The following PRKN variants were observed in gnomAD, a reference collection of about 807,000 sequenced individuals.
PRKN encodes E3 ubiquitin-protein ligase parkin.
In PRKN, 56 loss-of-function variants were observed where a neutral mutation model predicts 59.5. That is an observed-to-expected ratio of 0.94 (90% confidence interval 0.76 to 1.18). The LOEUF (loss-of-function observed/expected upper bound fraction) is 1.18, where lower values mean the gene tolerates loss of function less well. Among genes scored for constraint, PRKN ranks in the 50% most tolerant of loss-of-function variants. The probability of loss-of-function intolerance (pLI) is 0.00; values close to 1 mark genes in which losing one functional copy is unlikely to be tolerated. For missense variants in PRKN, 657 were observed against 596.4 expected, an observed-to-expected ratio of 1.10 and a Z score of -1.06; for synonymous variants, 250 against 222.1, an observed-to-expected ratio of 1.13 and a Z score of -1.12.
chr6:162,443,929 G>A lies in PRKN; in HGVS notation c.8-456C>T, dbSNP rs984224187. On this transcript the variant is annotated intron_variant, in intron 1 of 11. Transcript: ENST00000366898. Reference sequence around the variant, plus strand: ...GGAAAAAAATCTAAGCTGCTCTATAGACCAGAGTGAAGACCCACTCGGGGC... The same window carrying A: ...GGAAAAAAATCTAAGCTGCTCTATAAACCAGAGTGAAGACCCACTCGGGGC... Among the ~76,000 whole-genome samples the A allele has an allele frequency of 4.6e-5, 7 of 152,140 alleles. No individual in the cohort carries two copies. In the South Asian group the frequency reaches 1.4e-3, roughly 32 times the overall value.
chr6:162,650,717 T>G (rs2128226476), intron 1 of PRKN, among the ~76,000 whole-genome samples: 1 of 152,230 alleles, frequency 6.6e-6, no homozygotes, highest in African/African-American at 2.4e-5. Context: ...AAAGCTTCCC[T>G]TTGTCTCCTA....
At position 162,061,531 on chromosome 6, in the gene PRKN, T is replaced by G. The variant is rs147845089; in HGVS notation, c.535-7357A>C. Among the ~76,000 whole-genome samples the G allele has an allele frequency of 1.1e-3, 163 of 152,302 alleles. 2 individuals are homozygous for G. In the Middle Eastern group the frequency reaches 0.027, roughly 25 times the overall value. On this transcript the variant is annotated intron_variant, in intron 4 of 11. Transcript: ENST00000366898. ...CAGGATCATGTCACTTTCTACAGCA[T>G]GCTGTTTATAACTCTTCTAAAGCAT... is the stretch of plus-strand genomic sequence containing the variant.
At chr6:161,782,275 A>G (rs1790237676) in intron 7 of PRKN, among the ~76,000 whole-genome samples, 1 of 152,202 alleles carries the variant, frequency 6.6e-6, no homozygotes, top group Non-Finnish European at 1.5e-5. Context: ...TCTTTAAAAT[A>G]TAATAGGTAC....
chr6:162,444,936 T>C (rs1790238009), intron 1 of PRKN, among the ~76,000 whole-genome samples: 1 of 152,168 alleles, frequency 6.6e-6, no homozygotes, highest in Admixed American at 6.5e-5. Flanking sequence ...AAAACTATCG[T>C]CTTGTAACAT....
At chr6:161,867,770 T>TTTATTTATTTATTTAC (rs1268807353) in intron 6 of PRKN, among the ~76,000 whole-genome samples, 4 of 151,274 alleles carry the variant, frequency 2.6e-5, no homozygotes, top group Non-Finnish European at 5.9e-5. Flanking sequence ...TATTTATTTA[T>TTTATTTATTTATTTAC]TTATTTTTGA....
At chr6:162,476,445 A>G (rs961292069) in intron 1 of PRKN, among the ~76,000 whole-genome samples, 3 of 152,196 alleles carry the variant, frequency 2.0e-5, no homozygotes, top group African/African-American at 7.2e-5. Context: ...TTAAAGTGGT[A>G]AACAGTCATG....
chr6:161,781,923 T>C (rs146347467), intron 7 of PRKN, among the ~76,000 whole-genome samples: 1,698 of 152,284 alleles, frequency 0.011, 20 homozygotes, highest in Middle Eastern at 0.051. Context: ...GGCTCCCCTG[T>C]TGGGGAGGAA....
chr6:162,376,692 G>A (rs1786106826), intron 2 of PRKN, among the ~76,000 whole-genome samples: 1 of 146,412 alleles, frequency 6.8e-6, no homozygotes, highest in African/African-American at 2.5e-5. Flanking sequence ...ACCAAGAAAT[G>A]GACACACGGA....
chr6:161,646,772 T>A (rs1473329361), intron 7 of PRKN, among the ~76,000 whole-genome samples: 1 of 152,194 alleles, frequency 6.6e-6, no homozygotes, highest in Non-Finnish European at 1.5e-5. Flanking sequence ...GGGAGTTGAA[T>A]GCCACAACCC....
At chr6:161,746,814 CTATG>C (rs1348892010) in intron 7 of PRKN, among the ~76,000 whole-genome samples, 16 of 147,412 alleles carry the variant, frequency 1.1e-4, no homozygotes, top group Admixed American at 3.4e-4. Context: ...ACATATATAT[CTATG>C]TATATGTCTA....
chr6:162,489,077 C>CCCTTCCTTCCTTCCTT (rs58260588), intron 1 of PRKN, among the ~76,000 whole-genome samples: 8 of 150,786 alleles, frequency 5.3e-5, no homozygotes, highest in Middle Eastern at 3.4e-3. Flanking sequence ...AAGGAGCTCA[C>CCCTTCCTTCCTTCCTT]CCTTCCTTCC....
intron 7 of PRKN, among the ~76,000 whole-genome samples, chr6:161,573,578 G>A (rs1780978343): frequency 6.7e-6 from 1 of 150,202 alleles, no homozygotes; most frequent in African/African-American, 2.4e-5. Context: ...AAATTAGCCT[G>A]GCGTGGTGGC....
At chr6:161,580,447 A>C (rs1781292660) in intron 7 of PRKN, among the ~76,000 whole-genome samples, 1 of 152,034 alleles carries the variant, frequency 6.6e-6, no homozygotes, top group Non-Finnish European at 1.5e-5. Context: ...ACACTTACAT[A>C]AGAAATTCAT....
At position 162,262,729 on chromosome 6, in the gene PRKN, C is replaced by A. The variant is rs899299169; in HGVS notation, c.208G>T (p.Val70Leu). The stretch of plus-strand genomic sequence containing the variant: ...TGACCTTTTCTCCACGGTCTCTGCA[C>A]AATGTGAACAATGCTCTGCTGATCC... ...DLDQQSIVHI[V>L]QRPWRKGQEM... is the part of the protein sequence containing the mutation. Residue 70 changes from valine to leucine, a missense_variant, in exon 3 of 12, where the codon GTG (valine) becomes TTG (leucine). Val to Leu is a conservative substitution (Grantham distance 32, BLOSUM62 1). Transcript: ENST00000366898. 1 of 1,587,232 alleles carries A rather than the reference C, an allele frequency of 6.3e-7. No individual in the cohort carries two copies. The highest frequency in any genetic ancestry group is 8.5e-7 in the Non-Finnish European group (1 of 1,170,740).
intron 7 of PRKN, among the ~76,000 whole-genome samples, chr6:161,744,393 G>C (rs546637116): frequency 1.3e-5 from 2 of 152,092 alleles, no homozygotes; most frequent in South Asian, 4.2e-4. Flanking sequence ...GCACAGAGAA[G>C]CAACAGAGTC....
intron 4 of PRKN, among the ~76,000 whole-genome samples, chr6:162,110,866 C>T (rs188415382): frequency 2.4e-4 from 36 of 152,260 alleles, no homozygotes; most frequent in Admixed American, 1.8e-3. Context: ...CATGCTTCAC[C>T]TGAACATACC....
At chr6:162,235,166 GAACCAA>G (rs1171682734) in intron 3 of PRKN, among the ~76,000 whole-genome samples, 1 of 152,112 alleles carries the variant, frequency 6.6e-6, no homozygotes, top group African/African-American at 2.4e-5. Flanking sequence ...AAAATATGAA[GAACCAA>G]AACTTACCAC....
At chr6:162,313,047 C>T (rs1042021108) in intron 2 of PRKN, among the ~76,000 whole-genome samples, 1 of 152,098 alleles carries the variant, frequency 6.6e-6, no homozygotes, top group African/African-American at 2.4e-5. Flanking sequence ...AAGAATTATT[C>T]ATGCAATCAA....
chr6:161,902,665 A>T (rs536792558), intron 6 of PRKN, among the ~76,000 whole-genome samples: 8 of 150,794 alleles, frequency 5.3e-5, no homozygotes, highest in Admixed American at 3.3e-4. Flanking sequence ...GGTTCAAGTG[A>T]ATCTCCTGCC....
Sources: allele counts gnomAD v4.1 joint callset (sites outside exome capture counted in the v4.1 genomes callset), GRCh38; gene constraint gnomAD v4.1.1; transcripts MANE v1.5; gene names NCBI Gene and HGNC (gene_info 2026-07-23, HGNC 2026-07-21).